ENTREP2: variants seen among roughly 807,000 people sequenced by gnomAD.
ENTREP2 encodes protein ENTREP2.
the ENTREP2 span, among the ~76,000 whole-genome samples, chr15:29,487,494 T>C: frequency 6.6e-6 from 1 of 152,240 alleles, no homozygotes; most frequent in South Asian, 2.1e-4. Context: ...TATCATGTTT[T>C]GGCATCTGGT....
At chr15:29,345,919 A>G in the ENTREP2 span, among the ~76,000 whole-genome samples, 175 of 152,296 alleles carry the variant, frequency 1.1e-3, 1 homozygote, top group East Asian at 0.031. Context: ...TACCTGCCAG[A>G]CACCAACCTA....
At chr15:29,657,357 G>A in the ENTREP2 span, among the ~76,000 whole-genome samples, 20 of 149,854 alleles carry the variant, frequency 1.3e-4, no homozygotes, top group Non-Finnish European at 2.2e-4. Context: ...AAAGACGGCA[G>A]TGTTACAGTT....
chr15:29,264,154 CA>C, the ENTREP2 span, among the ~76,000 whole-genome samples: 24 of 69,006 alleles, frequency 3.5e-4, no homozygotes, highest in Admixed American at 6.4e-4. Context: ...GACTCCGTCT[CA>C]AAAAAAAAAA....
chr15:29,302,200 T>C, the ENTREP2 span, among the ~76,000 whole-genome samples: 5 of 152,182 alleles, frequency 3.3e-5, no homozygotes, highest in African/African-American at 1.2e-4. Context: ...AATAAGACCA[T>C]GTAACAAAAA....
At chr15:29,234,476 CTATCA>C in the ENTREP2 span, 1 of 1,469,586 alleles carries the variant, frequency 6.8e-7, no homozygotes, top group Non-Finnish European at 9.5e-7. Context: ...CAGCATTCGC[CTATCA>C]TATATTTGTA....
the ENTREP2 span, among the ~76,000 whole-genome samples, chr15:29,301,768 A>T: frequency 6.6e-6 from 1 of 152,194 alleles, no homozygotes; most frequent in Non-Finnish European, 1.5e-5. Context: ...TTAAATCATG[A>T]GGGCGTAACC....
At chr15:29,662,233 A>G in the ENTREP2 span, among the ~76,000 whole-genome samples, 2 of 147,836 alleles carry the variant, frequency 1.4e-5, no homozygotes, top group East Asian at 3.9e-4. Context: ...AAAAAAAAAA[A>G]GAAAGAAAAA....
At chr15:29,160,224 A>G in the ENTREP2 span, among the ~76,000 whole-genome samples, 3 of 152,166 alleles carry the variant, frequency 2.0e-5, no homozygotes, top group Non-Finnish European at 4.4e-5. Context: ...GCCTGCAAGT[A>G]CCACGCGCAG....
the ENTREP2 span, among the ~76,000 whole-genome samples, chr15:29,655,933 G>A: frequency 3.4e-5 from 5 of 149,136 alleles, no homozygotes; most frequent in Admixed American, 2.7e-4. Context: ...GCTGAGGCAT[G>A]AGAATCACTT....
At chr15:29,341,666 T>C in the ENTREP2 span, among the ~76,000 whole-genome samples, 1 of 152,110 alleles carries the variant, frequency 6.6e-6, no homozygotes. Flanking sequence ...CTGCATCTTG[T>C]GTCAAGCGCC....
chr15:29,479,662 C>CACATACACACACACACAT, the ENTREP2 span, among the ~76,000 whole-genome samples: 2 of 134,506 alleles, frequency 1.5e-5, no homozygotes, highest in Admixed American at 1.5e-4. Flanking sequence ...GTCTCACACA[C>CACATACACACACACACAT]ACATACACAC....
the ENTREP2 span, among the ~76,000 whole-genome samples, chr15:29,406,008 C>T: frequency 6.6e-6 from 1 of 152,208 alleles, no homozygotes; most frequent in Non-Finnish European, 1.5e-5. Flanking sequence ...GGCTTCTCCT[C>T]TAACTCCTGT....
chr15:29,607,061 G>A, the ENTREP2 span, among the ~76,000 whole-genome samples: 12 of 152,216 alleles, frequency 7.9e-5, no homozygotes, highest in African/African-American at 2.9e-4. Flanking sequence ...TCGAATTCCT[G>A]GCCTCAAGTG....
At chr15:29,257,199 A>C in the ENTREP2 span, among the ~76,000 whole-genome samples, 1 of 151,986 alleles carries the variant, frequency 6.6e-6, no homozygotes, top group Non-Finnish European at 1.5e-5. Context: ...TCAGCCTCTC[A>C]AGTAGCTGGG....
chr15:29,332,146 C>G, the ENTREP2 span, among the ~76,000 whole-genome samples: 1 of 152,034 alleles, frequency 6.6e-6, no homozygotes. Flanking sequence ...TACACTAGTA[C>G]CAGCTAAACA....
At chr15:29,206,895 A>G in the ENTREP2 span, among the ~76,000 whole-genome samples, 1 of 152,284 alleles carries the variant, frequency 6.6e-6, no homozygotes, top group Non-Finnish European at 1.5e-5. Flanking sequence ...TGTTCTGCCT[A>G]AACGTTTTAT....
chr15:29,480,482 C>T, the ENTREP2 span, among the ~76,000 whole-genome samples: 4 of 151,950 alleles, frequency 2.6e-5, no homozygotes, highest in Non-Finnish European at 5.9e-5. Context: ...GGACAGCACC[C>T]TGGTAGGGCA....
chr15:29,126,152 G>T, the ENTREP2 span: 1 of 854,080 alleles, frequency 1.2e-6, no homozygotes, highest in Non-Finnish European at 1.8e-6. Context: ...TTCCCAGTGT[G>T]GCCCCAGACA....
At chr15:29,548,297 A>C in the ENTREP2 span, among the ~76,000 whole-genome samples, 1 of 151,792 alleles carries the variant, frequency 6.6e-6, no homozygotes, top group Non-Finnish European at 1.5e-5. Flanking sequence ...CTACTAAAAA[A>C]CTACAAAAAA....
Sources: allele counts gnomAD v4.1 joint callset (sites outside exome capture counted in the v4.1 genomes callset), GRCh38; gene constraint gnomAD v4.1.1; transcripts MANE v1.5; gene names NCBI Gene and HGNC (gene_info 2026-07-23, HGNC 2026-07-21).